Variants in KANSL1 observed in about 807,000 individuals in gnomAD.
The protein encoded by KANSL1 is MLL1/MLL complex subunit KANSL1.
In KANSL1, 22 loss-of-function variants were observed where a neutral mutation model predicts 103.6. That is an observed-to-expected ratio of 0.21 (90% CI 0.15 to 0.30). The LOEUF is 0.30. Among genes scored for constraint, KANSL1 ranks in the 10% least tolerant of loss-of-function variants. KANSL1 has a pLI of 1.00. For missense variants in KANSL1, 1,337 were observed against 1,399.8 expected, an observed-to-expected ratio of 0.96 and a Z score of 0.72; for synonymous variants, 600 against 527.6, an observed-to-expected ratio of 1.14 and a Z score of -1.88.
At chr17:46,127,327 T>G (rs1026713703) in intron 2 of KANSL1, among the ~76,000 whole-genome samples, 3 of 152,104 alleles carry the variant, frequency 2.0e-5, no homozygotes, top group Non-Finnish European at 2.9e-5. Context: ...AAAAGAACAA[T>G]AAAAAATGAG....
chr17:46,106,637 C>A (rs2042580444), intron 2 of KANSL1, among the ~76,000 whole-genome samples: 4 of 152,180 alleles, frequency 2.6e-5, no homozygotes, highest in Admixed American at 2.6e-4. Context: ...AGGTGATCTA[C>A]CCACCTCGGT....
chr17:46,131,856 C>T (rs1042252375), intron 2 of KANSL1, among the ~76,000 whole-genome samples: 1 of 152,322 alleles, frequency 6.6e-6, no homozygotes, highest in Admixed American at 6.5e-5. Flanking sequence ...AGGCTAGGCA[C>T]GGCGGCTCAT....
At chr17:46,144,839 T>TA (rs1207408971) in intron 2 of KANSL1, among the ~76,000 whole-genome samples, 2 of 152,184 alleles carry the variant, frequency 1.3e-5, no homozygotes, top group Admixed American at 6.5e-5. Context: ...AGGCCAAACT[T>TA]ACGACTACAC....
At chr17:46,213,483 T>TA (rs2048234150) in intron 1 of KANSL1, among the ~76,000 whole-genome samples, 1 of 147,358 alleles carries the variant, frequency 6.8e-6, no homozygotes, top group Non-Finnish European at 1.5e-5. Flanking sequence ...TTTTTTTTTT[T>TA]TTTTTTAGTA....
At chr17:46,060,495 C>T (rs2078119437) in intron 6 of KANSL1, among the ~76,000 whole-genome samples, 1 of 152,142 alleles carries the variant, frequency 6.6e-6, no homozygotes, top group Non-Finnish European at 1.5e-5. Flanking sequence ...GTTCCAAGCA[C>T]AGAGTGATTT....
At chr17:46,166,372 C>T (rs572688094) in intron 2 of KANSL1, among the ~76,000 whole-genome samples, 8 of 151,958 alleles carry the variant, frequency 5.3e-5, no homozygotes, top group East Asian at 3.9e-4. Flanking sequence ...ATTAGCCGGG[C>T]GTGGTGACAG....
chr17:46,109,387 C>A (rs1286530364), intron 2 of KANSL1, among the ~76,000 whole-genome samples: 1 of 152,214 alleles, frequency 6.6e-6, no homozygotes, highest in East Asian at 1.9e-4. Context: ...AAACCACTTA[C>A]TAACAGAATC....
chr17:46,119,606 C>T (rs1268236332), intron 2 of KANSL1, among the ~76,000 whole-genome samples: 1 of 152,166 alleles, frequency 6.6e-6, no homozygotes, highest in East Asian at 1.9e-4. Flanking sequence ...CACACCCGGC[C>T]CAGAGTCCTG....
chr17:46,118,824 C>T (rs2043155683), intron 2 of KANSL1, among the ~76,000 whole-genome samples: 1 of 152,208 alleles, frequency 6.6e-6, no homozygotes, highest in African/African-American at 2.4e-5. Context: ...AGGTGGAAAA[C>T]CATTGCCCTA....
chr17:46,114,461 T>C (rs1018163482), intron 2 of KANSL1, among the ~76,000 whole-genome samples: 5 of 152,254 alleles, frequency 3.3e-5, no homozygotes, highest in African/African-American at 7.2e-5. Context: ...AAAGATTCCC[T>C]AACATGCAGA....
intron 2 of KANSL1, among the ~76,000 whole-genome samples, chr17:46,100,489 T>C (rs538286926): frequency 6.7e-6 from 1 of 149,852 alleles, no homozygotes; most frequent in Admixed American, 6.7e-5. Flanking sequence ...ACTTAAACCA[T>C]ACAGTAAAAG....
chr17:46,096,228 A>C (rs1325651974), intron 2 of KANSL1, among the ~76,000 whole-genome samples: 5 of 146,868 alleles, frequency 3.4e-5, no homozygotes, highest in Admixed American at 7.0e-5. Context: ...TGTAACCTAG[A>C]GTTCCTTTGC....
chr17:46,110,148 T>C (rs1423311339), intron 2 of KANSL1, among the ~76,000 whole-genome samples: 1 of 152,206 alleles, frequency 6.6e-6, no homozygotes, highest in Admixed American at 6.5e-5. Flanking sequence ...ACCTAGCATG[T>C]AGGAAAAATC....
intron 1 of KANSL1, among the ~76,000 whole-genome samples, chr17:46,189,077 G>GTT (rs2047180816): frequency 7.8e-6 from 1 of 128,792 alleles, no homozygotes; most frequent in Non-Finnish European, 1.6e-5. Context: ...GACAAGCAAG[G>GTT]TTATATGCTC....
intron 2 of KANSL1, chr17:46,120,058 GAAGA>G (rs1389974437): frequency 6.6e-6 from 1 of 152,256 alleles, no homozygotes; most frequent in Admixed American, 6.5e-5. Context: ...TTCTGAAGAA[GAAGA>G]GAGAGGGGTG....
At chr17:46,120,464 TC>T (rs1271427772) in intron 2 of KANSL1, among the ~76,000 whole-genome samples, 2 of 152,024 alleles carry the variant, frequency 1.3e-5, no homozygotes, top group African/African-American at 4.8e-5. Context: ...AGAAAGGAGG[TC>T]TACTGTGGAT....
At chr17:46,073,814 A>G (rs1263612924) in intron 4 of KANSL1, among the ~76,000 whole-genome samples, 1 of 151,836 alleles carries the variant, frequency 6.6e-6, no homozygotes, top group Non-Finnish European at 1.5e-5. Flanking sequence ...CTGTACAAAA[A>G]TATTGTACTC....
At chr17:46,145,589 T>A (rs1312112623) in intron 2 of KANSL1, among the ~76,000 whole-genome samples, 2 of 152,204 alleles carry the variant, frequency 1.3e-5, no homozygotes, top group Non-Finnish European at 2.9e-5. Context: ...TTTTATAAGA[T>A]CATGTTTGAA....
rs2047448599 is a variant in KANSL1 at position 46,193,272 on chromosome 17, C to T, written c.-539G>A. The stretch of plus-strand genomic sequence containing the variant: ...TTCCAGCCGGGGAGCGCGCTTCAGC[C>T]GCCCCCCGCGCCGCCGCGGCGAGAC... On this transcript the variant is annotated 5_prime_UTR_variant, in exon 1 of 15. Transcript: ENST00000432791. The T allele has an allele frequency of 6.6e-6, 1 of 152,410 alleles. No individual in the cohort carries two copies. The highest frequency in any genetic ancestry group is 2.4e-5 in the African/African-American group (1 of 41,370). The allele number at this position is 152,410 out of a possible 1,614,324, so 9.4% of individuals were successfully genotyped here. A position where few individuals can be genotyped will look rare whatever the true frequency, so the allele number is the denominator to read the frequency against.
Sources: allele counts gnomAD v4.1 joint callset (sites outside exome capture counted in the v4.1 genomes callset), GRCh38; gene constraint gnomAD v4.1.1; transcripts MANE v1.5; gene names NCBI Gene and HGNC (gene_info 2026-07-23, HGNC 2026-07-21).